Variants in ZNF782 observed in about 807,000 individuals in gnomAD.
The protein encoded by ZNF782 is zinc finger protein 782.
ZNF782 carries 12 observed loss-of-function variants against 13.0 expected under a neutral mutation model. That is an observed-to-expected ratio of 0.92 (90% CI 0.59 to 1.50). The LOEUF is 1.50. ZNF782 is among the 40% of genes most tolerant of loss of function. ZNF782 has a pLI of 0.00. For missense variants in ZNF782, 770 were observed against 822.9 expected, an observed-to-expected ratio of 0.94 and a Z score of 0.79; for synonymous variants, 284 against 283.0, an observed-to-expected ratio of 1.00 and a Z score of -0.04.
At chr9:96,932,959 C>CTTTCT in the ZNF782 span, among the ~76,000 whole-genome samples, 63 of 148,986 alleles carry the variant, frequency 4.2e-4, no homozygotes, top group African/African-American at 1.4e-3. Flanking sequence ...CCAATACTTA[C>CTTTCT]TTTCTTTTCT....
chr9:96,864,816 G>C (rs1042091706), intron 1 of ZNF782, among the ~76,000 whole-genome samples: 1 of 147,098 alleles, frequency 6.8e-6, no homozygotes, highest in Admixed American at 6.8e-5. Flanking sequence ...AGTATCACTT[G>C]ATCACAGGAG....
the ZNF782 span, among the ~76,000 whole-genome samples, chr9:96,912,312 G>T: frequency 1.6e-4 from 24 of 147,512 alleles, no homozygotes; most frequent in Admixed American, 1.3e-3. Context: ...AGATCATGAG[G>T]TCGGGAGTTC....
Position 96,818,855 on chromosome 9 carries a change from CT to C in ZNF782, c.1167del (p.Glu391ArgfsTer19). On this transcript the variant is annotated frameshift_variant, in exon 6 of 6. Coordinates refer to ENST00000481138, the MANE Select transcript of ZNF782 (RefSeq NM_001001662.3). LOFTEE classifies it low-confidence loss of function (END_TRUNC). ...SHLIWPQKSH[T>X]GEKPYECPEC... ...TCAGGACATTCATAGGGTTTCTCCCCTGTGTGACTTTTCTGAGGCCAAATCA... is the reference window on the plus strand; with the variant it reads ...TCAGGACATTCATAGGGTTTCTCCCCGTGTGACTTTTCTGAGGCCAAATCA... 1 of 1,614,166 alleles carries C rather than the reference CT, an allele frequency of 6.2e-7. No homozygotes were observed. Among genetic ancestry groups the C allele is most frequent in the Non-Finnish European group, 8.5e-7 (1 of 1,180,010 alleles).
At chr9:96,826,961 A>T in intron 5 of ZNF782, 119 bp downstream of exon 5, 1 of 654,288 alleles carries the variant, frequency 1.5e-6, no homozygotes, top group East Asian at 3.0e-5. Flanking sequence ...ATCTCTGCTG[A>T]TTTTTGTTTG....
intron 4 of ZNF782, among the ~76,000 whole-genome samples, chr9:96,841,480 A>G (rs1321946041): frequency 6.6e-6 from 1 of 151,948 alleles, no homozygotes; most frequent in East Asian, 1.9e-4. Context: ...ACTTAACAAA[A>G]TATTAGCAAA....
At chr9:96,916,288 C>T in the ZNF782 span, among the ~76,000 whole-genome samples, 9 of 151,912 alleles carry the variant, frequency 5.9e-5, no homozygotes, top group Non-Finnish European at 1.0e-4. Context: ...GCCAGGAGTT[C>T]GAGACCAGTC....
the ZNF782 span, among the ~76,000 whole-genome samples, chr9:96,896,840 C>A: frequency 2.6e-5 from 4 of 152,192 alleles, no homozygotes; most frequent in African/African-American, 9.7e-5. Flanking sequence ...CTATCTGAAG[C>A]CACTGGCAGG....
At chr9:96,859,292 G>T (rs1188550298), upstream of ZNF782, among the ~76,000 whole-genome samples, 1 of 152,208 alleles carries the variant, frequency 6.6e-6, no homozygotes, top group Non-Finnish European at 1.5e-5. Context: ...AGAAACAGCA[G>T]CTAGGGCAGC....
At chr9:96,859,991 G>C (rs780426735) in intron 3 of ZNF782, among the ~76,000 whole-genome samples, 2 of 152,172 alleles carry the variant, frequency 1.3e-5, no homozygotes, top group Non-Finnish European at 2.9e-5. Flanking sequence ...GCAGTAATCC[G>C]CATGAGACTG....
At chr9:96,842,569 T>C (rs1268640047) in intron 4 of ZNF782, among the ~76,000 whole-genome samples, 1 of 151,958 alleles carries the variant, frequency 6.6e-6, no homozygotes, top group Admixed American at 6.6e-5. Flanking sequence ...TATACAAAAA[T>C]TTACTCAAAA....
chr9:96,873,412 A>T (rs1296467870), intron 1 of ZNF782, among the ~76,000 whole-genome samples: 1 of 152,206 alleles, frequency 6.6e-6, no homozygotes, highest in Non-Finnish European at 1.5e-5. Flanking sequence ...TTCAAGAGTA[A>T]GTCAGGGCCA....
intron 4 of ZNF782, among the ~76,000 whole-genome samples, chr9:96,838,949 C>T (rs142426708): frequency 0.05 from 7,657 of 152,002 alleles, 561 homozygotes; most frequent in African/African-American, 0.16. Context: ...CTCCTGACCT[C>T]GTGATCCACC....
chr9:96,911,956 T>C, the ZNF782 span, among the ~76,000 whole-genome samples: 6 of 151,890 alleles, frequency 4.0e-5, no homozygotes, highest in Admixed American at 1.3e-4. Flanking sequence ...TCCCAGCACT[T>C]TGAGAGGCCG....
intron 3 of ZNF782, among the ~76,000 whole-genome samples, chr9:96,851,032 G>C (rs1200422984): frequency 6.6e-6 from 1 of 152,086 alleles, no homozygotes; most frequent in Non-Finnish European, 1.5e-5. Context: ...TATAATTTGT[G>C]TATGCAAGGT....
chr9:96,819,962 G>A (rs1421351793), intron 5 of ZNF782, among the ~76,000 whole-genome samples, 184 bp from the exon 6 acceptor site: 1 of 151,272 alleles, frequency 6.6e-6, no homozygotes, highest in Non-Finnish European at 1.5e-5. Flanking sequence ...ATTTTTTTTT[G>A]TAGTAGAAAA....
rs76106679 is a variant in ZNF782, at chr9:96,834,065, C to T, written c.143-6884G>A. 6.1e-3 allele frequency among the ~76,000 whole-genome samples: 933 copies of T among 152,204 alleles called. 5 individuals carry two copies. Among genetic ancestry groups the T allele is most frequent in the Admixed American group, 8.2e-3 (126 of 15,282 alleles). ...GAGGTGGGGCATAGTGGGAGGTGTT[C>T]GGTCACGGGGCTGGATCCCTCATGA... On this transcript the variant is annotated intron_variant, in intron 4 of 5. Transcript: ENST00000481138.
chr9:96,893,841 A>C, the ZNF782 span: 1 of 144,022 alleles, frequency 6.9e-6, no homozygotes, highest in Non-Finnish European at 1.5e-5. Flanking sequence ...TCTACTAAAA[A>C]TACAAAAAAT....
At chr9:96,846,525 A>G (rs552716551) in intron 3 of ZNF782, among the ~76,000 whole-genome samples, 8 of 152,302 alleles carry the variant, frequency 5.3e-5, no homozygotes, top group Middle Eastern at 3.4e-3. Flanking sequence ...TGGAAACCAA[A>G]AGCAAGCAGG....
upstream of ZNF782, among the ~76,000 whole-genome samples, chr9:96,877,722 G>A (rs1284680480): frequency 6.6e-6 from 1 of 152,212 alleles, no homozygotes; most frequent in Admixed American, 6.5e-5. Context: ...TGGTCTCCCT[G>A]CCTGGGGTCG....
Sources: gnomAD v4.1 joint callset for allele counts (sites outside exome capture counted in the v4.1 genomes callset) on GRCh38, gnomAD v4.1.1 for gene constraint, MANE v1.5 for transcripts, NCBI Gene and HGNC (gene_info 2026-07-23, HGNC 2026-07-21) for gene names.